Variants in PARD3B observed in about 807,000 individuals in gnomAD.
The protein encoded by PARD3B is par-3 family cell polarity regulator beta.
Under a neutral mutation model 130.2 loss-of-function variants are expected in PARD3B, and 103 were observed. The observed-to-expected ratio is 0.79, with a 90% confidence interval of 0.67 to 0.93. PARD3B has a LOEUF of 0.93. Among genes scored for constraint, PARD3B ranks in the 40% least tolerant of loss-of-function variants. The probability of loss-of-function intolerance (pLI) is 0.00; values close to 1 mark genes in which losing one functional copy is unlikely to be tolerated. For synonymous variants in PARD3B, 583 were observed against 553.2 expected (o/e 1.05, Z -0.76); for missense variants, 1,609 against 1,499.2 (o/e 1.07, Z -1.21).
rs73068603 is a variant in PARD3B at position 204,846,683 on chromosome 2, C to T, written c.223-118469C>T. Among the ~76,000 whole-genome samples, 1,094 of 150,418 alleles carry T rather than the reference C, an allele frequency of 7.3e-3. 11 individuals carry two copies. The highest frequency in any genetic ancestry group is 0.025 in the African/African-American group (1,020 of 40,834). On this transcript the variant is annotated intron_variant, in intron 2 of 22. Coordinates refer to ENST00000406610, the MANE Select transcript of PARD3B (RefSeq NM_001302769.2). The stretch of plus-strand genomic sequence containing the variant: ...GTACAAACAAGGTCCAGTGAGCACA[C>T]GAGATAGCCAGGAGGCTTCCTATAC...
chr2:205,160,740 A>G lies in PARD3B; in HGVS notation c.1620+1833A>G, dbSNP rs534059802. On this transcript the variant is annotated intron_variant, in intron 11 of 22. Coordinates refer to ENST00000406610, the MANE Select transcript of PARD3B (RefSeq NM_001302769.2). The surrounding 1 kb of genome is among the most constrained non-coding windows in gnomAD (Gnocchi z 4.0). The stretch of plus-strand genomic sequence containing the variant: ...CTAGGATAGGTGTTTTATATGGGTT[A>G]TCTAACTTTATTCACATTTACATTG... Among the ~76,000 whole-genome samples, 6 of 152,240 alleles carry G rather than the reference A, an allele frequency of 3.9e-5. No individual in the cohort carries two copies. Among genetic ancestry groups the G allele is most frequent in the Non-Finnish European group, 8.8e-5 (6 of 68,048 alleles).
chr2:205,174,752 T>G (rs2035369388), intron 12 of PARD3B, among the ~76,000 whole-genome samples: 1 of 152,230 alleles, frequency 6.6e-6, no homozygotes, highest in Non-Finnish European at 1.5e-5. Flanking sequence ...AAGAAGCTAC[T>G]TAAGAAAAGT....
chr2:204,732,564 G>A (rs986041740), intron 2 of PARD3B, among the ~76,000 whole-genome samples: 18 of 151,266 alleles, frequency 1.2e-4, no homozygotes, highest in East Asian at 1.2e-3. Context: ...GAGTGCAGTG[G>A]TGCAATCTCA....
At chr2:205,520,524 G>A (rs2050997691) in intron 21 of PARD3B, among the ~76,000 whole-genome samples, 2 of 152,138 alleles carry the variant, frequency 1.3e-5, no homozygotes, top group Non-Finnish European at 2.9e-5. Flanking sequence ...GGGGTGGCTG[G>A]AGGCTTAGGC....
intron 21 of PARD3B, among the ~76,000 whole-genome samples, chr2:205,511,413 A>G (rs941457167): frequency 6.6e-6 from 1 of 152,324 alleles, no homozygotes; most frequent in Admixed American, 6.5e-5. Flanking sequence ...TTTAATGAGC[A>G]ATTAATTCCA....
intron 22 of PARD3B, among the ~76,000 whole-genome samples, chr2:205,560,608 C>A (rs2106519613): frequency 6.6e-6 from 1 of 152,302 alleles, no homozygotes; most frequent in Non-Finnish European, 1.5e-5. Flanking sequence ...GCTGCATGAG[C>A]AGTCCTGTGG....
chr2:205,453,961 A>C (rs774607105), intron 20 of PARD3B, among the ~76,000 whole-genome samples: 2 of 152,122 alleles, frequency 1.3e-5, no homozygotes, highest in African/African-American at 4.8e-5. Flanking sequence ...GCTGCTGCTG[A>C]CCTGCCAGAT....
intron 2 of PARD3B, among the ~76,000 whole-genome samples, chr2:204,763,084 A>G (rs73060939): frequency 0.012 from 1,803 of 152,186 alleles, 32 homozygotes; most frequent in African/African-American, 0.041. Flanking sequence ...TTACTTGACA[A>G]TTAGGTTCCC....
chr2:205,262,371 G>A (rs2040347662), intron 16 of PARD3B, among the ~76,000 whole-genome samples: 1 of 151,952 alleles, frequency 6.6e-6, no homozygotes, highest in Non-Finnish European at 1.5e-5. Flanking sequence ...CTTTCTCTGT[G>A]CTTTTTTCTC....
At chr2:205,456,006 A>T (rs1022205779) in intron 20 of PARD3B, among the ~76,000 whole-genome samples, 3 of 151,998 alleles carry the variant, frequency 2.0e-5, no homozygotes, top group African/African-American at 7.2e-5. Flanking sequence ...TAATTCTGTC[A>T]TTTCTAGAAT....
chr2:205,144,466 C>T (rs2033203644), intron 10 of PARD3B, among the ~76,000 whole-genome samples: 1 of 152,070 alleles, frequency 6.6e-6, no homozygotes, highest in Admixed American at 6.6e-5. Flanking sequence ...GGTAGATTTC[C>T]CCTCTCCCTT....
intron 18 of PARD3B, among the ~76,000 whole-genome samples, chr2:205,359,604 G>A (rs1313063339): frequency 6.6e-6 from 1 of 152,128 alleles, no homozygotes; most frequent in Non-Finnish European, 1.5e-5. Context: ...TTAAGTGTTT[G>A]GGATATATCC....
At chr2:205,009,998 T>G (rs1695587906) in intron 3 of PARD3B, among the ~76,000 whole-genome samples, 1 of 152,146 alleles carries the variant, frequency 6.6e-6, no homozygotes, top group African/African-American at 2.4e-5. Flanking sequence ...TTGTTTTCAT[T>G]TTATAGAGAA....
chr2:205,190,209 C>T (rs1334532528), intron 14 of PARD3B, among the ~76,000 whole-genome samples: 1 of 152,114 alleles, frequency 6.6e-6, no homozygotes, highest in African/African-American at 2.4e-5. Flanking sequence ...AAAATTTGAG[C>T]TCTTATTCCT....
intron 20 of PARD3B, among the ~76,000 whole-genome samples, chr2:205,456,134 A>G (rs544151927): frequency 5.3e-5 from 8 of 152,046 alleles, no homozygotes; most frequent in Non-Finnish European, 1.0e-4. Flanking sequence ...ATTTCTTCTT[A>G]CTTCTGAGTA....
chr2:205,498,305 C>T (rs1383294170), intron 20 of PARD3B, among the ~76,000 whole-genome samples: 1 of 151,522 alleles, frequency 6.6e-6, no homozygotes, highest in Non-Finnish European at 1.5e-5. Flanking sequence ...AGTTCAAGAC[C>T]AGCCAGATCA....
chr2:205,471,376 T>C (rs1366244325), intron 20 of PARD3B, among the ~76,000 whole-genome samples: 2 of 149,328 alleles, frequency 1.3e-5, no homozygotes, highest in Admixed American at 6.7e-5. Context: ...TTTTTTTTTT[T>C]CTGAGACAGA....
intron 3 of PARD3B, among the ~76,000 whole-genome samples, chr2:205,038,833 CTTCCTTCCTCGTTTTATG>C (rs1167044505): frequency 6.6e-6 from 1 of 152,180 alleles, no homozygotes; most frequent in East Asian, 1.9e-4. Context: ...TTGACTTGAA[CTTCCTTCCTCGTTTTATG>C]GCAATAGTGG....
At position 205,585,202 on chromosome 2, in the gene PARD3B, T is replaced by C. The variant is rs1005786325; in HGVS notation, c.3261-30254T>C. 6.6e-6 allele frequency among the ~76,000 whole-genome samples: 1 copy of C among 152,208 alleles called. No individual in the cohort carries two copies. ...GCCTAGGTGTTTATGGCAAGAGGCA[T>C]ATTTGGAATGCACAGGCTGGGAGAT... On this transcript the variant is annotated intron_variant, in intron 22 of 22. Coordinates refer to ENST00000406610, the MANE Select transcript of PARD3B (RefSeq NM_001302769.2). The surrounding 1 kb of genome is among the most constrained non-coding windows in gnomAD (Gnocchi z 5.4).
Sources: gnomAD v4.1 joint callset for allele counts (sites outside exome capture counted in the v4.1 genomes callset) on GRCh38, gnomAD v4.1.1 for gene constraint, Gnocchi (gnomAD v3.1) non-coding constraint, MANE v1.5 for transcripts, NCBI Gene and HGNC (gene_info 2026-07-23, HGNC 2026-07-21) for gene names.